Variants in TMEM132D observed in about 807,000 individuals in gnomAD.
The protein encoded by TMEM132D is transmembrane protein 132D, also known as mature OL transmembrane protein.
In TMEM132D, 21 loss-of-function variants were observed where a neutral mutation model predicts 62.3. That is an observed-to-expected ratio of 0.34 (90% confidence interval 0.24 to 0.49). TMEM132D has a LOEUF of 0.49. TMEM132D is among the 20% of genes least tolerant of loss of function. The pLI is 0.99. For missense variants in TMEM132D, 1,346 were observed against 1,402.8 expected, an observed-to-expected ratio of 0.96 and a Z score of 0.65; for synonymous variants, 621 against 575.6, an observed-to-expected ratio of 1.08 and a Z score of -1.13.
intron 2 of TMEM132D, among the ~76,000 whole-genome samples, chr12:129,678,981 T>C (rs935345774): frequency 3.3e-5 from 5 of 152,082 alleles, no homozygotes; most frequent in African/African-American, 1.2e-4. Context: ...TTATCTATTG[T>C]ATTCCAGTAT....
rs1874186478 is a variant in TMEM132D, at chr12:129,074,574, G to A, written c.2601C>T (p.Gly867=). The change falls in exon 9 of 9, where the codon GGC becomes GGT. Residue 867 remains glycine, a synonymous_variant. Coordinates refer to ENST00000422113, the MANE Select transcript of TMEM132D (RefSeq NM_133448.3). ...TGTTGTCATCTAAAAGGCTTTCCTGGCCTTTCTTCTTCTGCAGGATGGACC... is the reference window on the plus strand; with the variant it reads ...TGTTGTCATCTAAAAGGCTTTCCTGACCTTTCTTCTTCTGCAGGATGGACC... ...TDRSILQKKK[G]QESLLDDNSH... is the part of the protein sequence containing the mutation. The A allele has an allele frequency of 1.2e-6, 2 of 1,613,928 alleles. No individual in the cohort carries two copies. The highest frequency in any genetic ancestry group is 1.7e-6 in the Non-Finnish European group (2 of 1,180,026).
chr12:129,354,995 T>A (rs1429933256), intron 3 of TMEM132D, among the ~76,000 whole-genome samples: 2 of 152,236 alleles, frequency 1.3e-5, no homozygotes, highest in African/African-American at 4.8e-5. Context: ...ATATGAATGC[T>A]TCAAATAAAT....
chr12:129,853,231 C>T (rs1194309050), intron 1 of TMEM132D: 1 of 152,248 alleles, frequency 6.6e-6, no homozygotes, highest in Non-Finnish European at 1.5e-5. Flanking sequence ...AGAATCCACT[C>T]TGGTCTCAAT....
chr12:129,268,374 G>A (rs1880755019), intron 4 of TMEM132D, among the ~76,000 whole-genome samples: 1 of 152,150 alleles, frequency 6.6e-6, no homozygotes, highest in African/African-American at 2.4e-5. Flanking sequence ...AATGGGCGAA[G>A]GACATGAACA....
At position 129,728,013 on chromosome 12, in the gene TMEM132D, G is replaced by GT. The variant is rs537417361; in HGVS notation, c.80-27316dup. Among the ~76,000 whole-genome samples, 59 of 152,200 alleles carry GT rather than the reference G, an allele frequency of 3.9e-4. No individual in the cohort carries two copies. The South Asian group carries it at 0.012, about 32-fold the overall frequency. On this transcript the variant is annotated intron_variant, in intron 1 of 8. Transcript: ENST00000422113. Reference sequence around the variant, plus strand: ...GCTGTATCCAGCTTTTCTCTACCAGGTCCATTATGCTGTCTCTATTTTTGC... The same window carrying GT: ...GCTGTATCCAGCTTTTCTCTACCAGGTTCCATTATGCTGTCTCTATTTTTGC...
At chr12:129,419,622 A>G (rs1007442617) in intron 3 of TMEM132D, among the ~76,000 whole-genome samples, 2 of 152,212 alleles carry the variant, frequency 1.3e-5, no homozygotes, top group Admixed American at 6.5e-5. Context: ...GCATAAGCTA[A>G]TAATATAATT....
At chr12:129,316,228 G>A (rs1776286596) in intron 4 of TMEM132D, among the ~76,000 whole-genome samples, 1 of 152,096 alleles carries the variant, frequency 6.6e-6, no homozygotes, top group Admixed American at 6.5e-5. Context: ...TCCTTAAGGT[G>A]TGACCTTAAA....
At chr12:129,302,300 A>T (rs1881736771) in intron 4 of TMEM132D, among the ~76,000 whole-genome samples, 1 of 152,164 alleles carries the variant, frequency 6.6e-6, no homozygotes, top group Non-Finnish European at 1.5e-5. Flanking sequence ...GTTTTCGTAG[A>T]GATGGGGTTT....
At chr12:129,302,399 G>T (rs1047281250) in intron 4 of TMEM132D, among the ~76,000 whole-genome samples, 1 of 152,256 alleles carries the variant, frequency 6.6e-6, no homozygotes, top group Non-Finnish European at 1.5e-5. Flanking sequence ...ACAGGCGTGA[G>T]CCACCACGCC....
intron 3 of TMEM132D, among the ~76,000 whole-genome samples, chr12:129,506,636 T>C (rs1460533560): frequency 6.6e-6 from 1 of 152,198 alleles, no homozygotes; most frequent in Non-Finnish European, 1.5e-5. Context: ...CAAATGGTGC[T>C]GGGATAACTG....
At chr12:129,823,191 G>A (rs2173908) in intron 1 of TMEM132D, among the ~76,000 whole-genome samples, 15,014 of 152,230 alleles carry the variant, frequency 0.099, 792 homozygotes, top group East Asian at 0.16. Flanking sequence ...CCCAGAAGCA[G>A]AAACTGCCAT....
At chr12:129,090,544 T>C (rs1874873785) in intron 5 of TMEM132D, among the ~76,000 whole-genome samples, 1 of 152,138 alleles carries the variant, frequency 6.6e-6, no homozygotes, top group Non-Finnish European at 1.5e-5. Flanking sequence ...GGCATGCACC[T>C]GTAGTCCTAG....
At chr12:129,432,637 C>T (rs892747202) in intron 3 of TMEM132D, among the ~76,000 whole-genome samples, 1 of 152,186 alleles carries the variant, frequency 6.6e-6, no homozygotes, top group Non-Finnish European at 1.5e-5. Flanking sequence ...CAAGAGTAGA[C>T]ATTTGCAGTA....
At chr12:129,659,746 C>T (rs1184997861) in intron 2 of TMEM132D, among the ~76,000 whole-genome samples, 1 of 152,118 alleles carries the variant, frequency 6.6e-6, no homozygotes, top group South Asian at 2.1e-4. Context: ...TGTTCACAAG[C>T]ATTTTTTCAT....
At chr12:129,446,014 T>C (rs115748818) in intron 3 of TMEM132D, among the ~76,000 whole-genome samples, 176 of 152,264 alleles carry the variant, frequency 1.2e-3, no homozygotes, top group African/African-American at 4.0e-3. Context: ...TGGGACTTTA[T>C]ACAGCTCTAC....
intron 3 of TMEM132D, among the ~76,000 whole-genome samples, chr12:129,508,174 C>G (rs191643643): frequency 6.6e-6 from 1 of 152,054 alleles, no homozygotes; most frequent in East Asian, 1.9e-4. Flanking sequence ...GACTGTAAAG[C>G]GTTATCAATA....
intron 3 of TMEM132D, among the ~76,000 whole-genome samples, chr12:129,447,131 A>T (rs1873122321): frequency 6.6e-6 from 1 of 152,166 alleles, no homozygotes. Flanking sequence ...GACACTGGGA[A>T]AGTGACTTGG....
At chr12:129,685,118 C>A (rs1330981039) in intron 2 of TMEM132D, among the ~76,000 whole-genome samples, 1 of 152,184 alleles carries the variant, frequency 6.6e-6, no homozygotes, top group Non-Finnish European at 1.5e-5. Context: ...AATAAAAACC[C>A]ATTTTCTGAG....
intron 4 of TMEM132D, among the ~76,000 whole-genome samples, chr12:129,289,163 A>C (rs1162905202): frequency 6.6e-6 from 1 of 152,208 alleles, no homozygotes; most frequent in Admixed American, 6.5e-5. Flanking sequence ...TAAAGTGAAT[A>C]AATTCGAGAT....
Sources: gnomAD v4.1 joint callset for allele counts (sites outside exome capture counted in the v4.1 genomes callset) on GRCh38, gnomAD v4.1.1 for gene constraint, MANE v1.5 for transcripts, NCBI Gene and HGNC (gene_info 2026-07-23, HGNC 2026-07-21) for gene names.